The following TSG101 variants were observed in gnomAD, a reference collection of about 807,000 sequenced individuals.
The protein encoded by TSG101 is tumor susceptibility 101.
In TSG101, 19 loss-of-function variants were observed where a neutral mutation model predicts 48.5. The observed-to-expected ratio is 0.39, with a 90% CI of 0.27 to 0.58. The LOEUF is 0.58. Ranked by LOEUF, TSG101 falls within the 20% of genes least tolerant of loss-of-function variation. The probability of loss-of-function intolerance (pLI) is 0.55; values close to 1 mark genes in which losing one functional copy is unlikely to be tolerated. For synonymous variants in TSG101, 174 were observed against 169.4 expected, an observed-to-expected ratio of 1.03 and a Z score of -0.21; for missense variants, 365 against 484.4, an observed-to-expected ratio of 0.75 and a Z score of 2.31.
intron 7 of TSG101, among the ~76,000 whole-genome samples, chr11:18,499,805 G>T (rs1001573216): frequency 1.3e-5 from 2 of 151,880 alleles, no homozygotes; most frequent in African/African-American, 4.8e-5. Flanking sequence ...TTCAAGTGAG[G>T]GTATTTAGGG....
chr11:18,488,312 A>T (rs777299370), intron 7 of TSG101, among the ~76,000 whole-genome samples: 1 of 152,200 alleles, frequency 6.6e-6, no homozygotes, highest in Non-Finnish European at 1.5e-5. Flanking sequence ...GCAGATGGAC[A>T]AACAGATGGA....
At chr11:18,525,060 C>T (rs568229076) in intron 1 of TSG101, among the ~76,000 whole-genome samples, 12 of 151,782 alleles carry the variant, frequency 7.9e-5, no homozygotes, top group African/African-American at 2.9e-4. Flanking sequence ...TACAGGCACC[C>T]GCCATCATGC....
chr11:18,515,996 C>G lies in TSG101; in HGVS notation c.193+103G>C, dbSNP rs956599260. ...TAGAAGTTAAAATCTATATCAGCAT[C>G]AAAGCCCTGAGAAAGTAGGTTTAAT... On this transcript the variant is annotated intron_variant, in intron 3 of 9. Transcript: ENST00000251968. The G allele has an allele frequency of 2.9e-5, 28 of 976,466 alleles. No individual in the cohort carries two copies. In the African/African-American group the frequency reaches 4.5e-4, roughly 16 times the overall value. The allele number at this position is 976,466 out of a possible 1,614,324, so 60.5% of individuals were successfully genotyped here. A position where few individuals can be genotyped will look rare whatever the true frequency, so the allele number is the denominator to read the frequency against.
intron 6 of TSG101, among the ~76,000 whole-genome samples, chr11:18,503,083 C>G (rs1006387114): frequency 1.1e-4 from 16 of 152,264 alleles, no homozygotes; most frequent in Non-Finnish European, 1.5e-4. Context: ...ACTTTCTGGA[C>G]AGTTTCTGTC....
At chr11:18,505,624 T>C (rs368007421) in intron 6 of TSG101, among the ~76,000 whole-genome samples, 47 of 152,296 alleles carry the variant, frequency 3.1e-4, no homozygotes, top group South Asian at 1.5e-3. Context: ...TTATTTATCA[T>C]TGACTTTCTA....
chr11:18,500,333 A>G (rs1398262482), intron 7 of TSG101, among the ~76,000 whole-genome samples: 1 of 152,174 alleles, frequency 6.6e-6, no homozygotes, highest in Non-Finnish European at 1.5e-5. Context: ...TTTCCCTTGG[A>G]TAAATACCCA....
At chr11:18,525,284 C>T (rs188829580) in intron 1 of TSG101, among the ~76,000 whole-genome samples, 1 of 152,206 alleles carries the variant, frequency 6.6e-6, no homozygotes, top group Non-Finnish European at 1.5e-5. Context: ...TGGTGGCTCA[C>T]GCCTGTATTC....
At chr11:18,502,628 A>G (rs765904783) in intron 6 of TSG101, 51 bp from the exon 7 acceptor site, 63 of 1,383,832 alleles carry the variant, frequency 4.6e-5, no homozygotes, top group Middle Eastern at 3.6e-4. Flanking sequence ...CCAACCTTAT[A>G]GTATTTTGAA....
intron 3 of TSG101, among the ~76,000 whole-genome samples, chr11:18,515,768 C>T (rs994349770): frequency 6.6e-6 from 1 of 152,176 alleles, no homozygotes; most frequent in African/African-American, 2.4e-5. Context: ...CTTAGCTTCC[C>T]ATTGTCAGGA....
At chr11:18,523,395 A>G (rs1850311872) in intron 1 of TSG101, among the ~76,000 whole-genome samples, 2 of 152,216 alleles carry the variant, frequency 1.3e-5, no homozygotes, top group African/African-American at 2.4e-5. Flanking sequence ...ATTGCCTTCT[A>G]TAAGAATTTA....
chr11:18,505,003 C>T (rs1029804798), intron 6 of TSG101, among the ~76,000 whole-genome samples: 3 of 152,136 alleles, frequency 2.0e-5, no homozygotes, highest in Non-Finnish European at 4.4e-5. Flanking sequence ...TGACAGAATG[C>T]TTATTACCTT....
chr11:18,510,470 T>C (rs1241477556), intron 4 of TSG101, among the ~76,000 whole-genome samples: 2 of 152,136 alleles, frequency 1.3e-5, no homozygotes, highest in East Asian at 3.9e-4. Flanking sequence ...TAGAAATTGC[T>C]AGATTGTAGT....
intron 6 of TSG101, among the ~76,000 whole-genome samples, chr11:18,504,618 A>T (rs1229650683): frequency 6.6e-6 from 1 of 152,156 alleles, no homozygotes; most frequent in Admixed American, 6.5e-5. Flanking sequence ...AGTTTCTCCC[A>T]TTTTGCATAC....
intron 1 of TSG101, among the ~76,000 whole-genome samples, chr11:18,523,806 T>C (rs893973117): frequency 2.6e-5 from 4 of 152,040 alleles, no homozygotes; most frequent in South Asian, 2.1e-4. Flanking sequence ...CTGGCCAATT[T>C]TGTTATAGTT....
rs1590267278 is a variant in TSG101, at chr11:18,481,446, G to T, written c.1083+184C>A. Reference sequence around the variant, plus strand: ...CAGCCCACTTCTCTTCCCCTGCTCAGACCAATCCTCAGTACTCTGTAGGTA... The same window carrying T: ...CAGCCCACTTCTCTTCCCCTGCTCATACCAATCCTCAGTACTCTGTAGGTA... On this transcript the variant is annotated intron_variant, in intron 9 of 9. Coordinates refer to ENST00000251968, the MANE Select transcript of TSG101 (RefSeq NM_006292.4). 7 of 1,398,960 alleles carry T rather than the reference G, an allele frequency of 5.0e-6. No individual in the cohort carries two copies. The East Asian group carries it at 1.9e-4, about 37-fold the overall frequency. 86.7% of individuals were successfully genotyped at this position (1,398,960 alleles called of 1,614,324 possible).
intron 4 of TSG101, 89 bp from the exon 5 acceptor site, chr11:18,509,754 C>A: frequency 1.4e-6 from 2 of 1,391,782 alleles, no homozygotes; most frequent in Non-Finnish European, 9.5e-7. Flanking sequence ...GTTTTCAACT[C>A]AGCTTGATAA....
chr11:18,508,217 A>G (rs1040566671), intron 5 of TSG101, among the ~76,000 whole-genome samples: 2 of 147,542 alleles, frequency 1.4e-5, no homozygotes, highest in Non-Finnish European at 3.0e-5. Context: ...GAAATATTTG[A>G]TATCTTTTTT....
At position 18,505,681 on chromosome 11, in the gene TSG101, T is replaced by G. The variant is rs1001752598; in HGVS notation, c.548+1176A>C. On this transcript the variant is annotated intron_variant, in intron 6 of 9. Transcript: ENST00000251968. ...TCATTGTTAATTTAATTTAGTTACC[T>G]ATGTTATTACTAAATGGATAATAAA... Among the ~76,000 whole-genome samples the G allele has an allele frequency of 2.6e-5, 4 of 152,366 alleles. No homozygotes were observed. The South Asian group carries it at 8.3e-4, about 32-fold the overall frequency.
intron 7 of TSG101, chr11:18,490,360 AT>A: frequency 1.7e-6 from 1 of 604,088 alleles, no homozygotes; most frequent in South Asian, 1.4e-5. Context: ...AGTGTATCCA[AT>A]TCAGTAATTG....
Sources: gnomAD v4.1 joint callset for allele counts (sites outside exome capture counted in the v4.1 genomes callset) on GRCh38, gnomAD v4.1.1 for gene constraint, MANE v1.5 for transcripts, NCBI Gene and HGNC (gene_info 2026-07-23, HGNC 2026-07-21) for gene names.